The following GRIK1 variants were observed in gnomAD, a reference collection of about 807,000 sequenced individuals.
GRIK1 encodes glutamate receptor ionotropic, kainate 1.
Under a neutral mutation model 105.7 loss-of-function variants are expected in GRIK1, and 69 were observed. The observed-to-expected ratio is 0.65, with a 90% CI of 0.54 to 0.80. The LOEUF (loss-of-function observed/expected upper bound fraction) is 0.80. GRIK1 is among the 30% of genes least tolerant of loss of function. The probability of loss-of-function intolerance (pLI) is 0.00; values close to 1 mark genes in which losing one functional copy is unlikely to be tolerated. For missense variants in GRIK1, 1,109 were observed against 1,167.3 expected (o/e 0.95, Z 0.73); for synonymous variants, 438 against 431.3 (o/e 1.02, Z -0.19).
chr21:29,630,661 G>A (rs1043746195), intron 7 of GRIK1: 43 of 465,314 alleles, frequency 9.2e-5, no homozygotes, highest in African/African-American at 6.2e-4. Flanking sequence ...TCTCAGCTTC[G>A]TGGACCCTGA....
intron 1 of GRIK1, among the ~76,000 whole-genome samples, chr21:29,813,723 C>G (rs942185348): frequency 6.6e-6 from 1 of 151,970 alleles, no homozygotes; most frequent in African/African-American, 2.4e-5. Flanking sequence ...AGCACAAATG[C>G]ATATGATTTG....
chr21:29,774,396 A>T (rs911139603), intron 1 of GRIK1, among the ~76,000 whole-genome samples: 21 of 151,600 alleles, frequency 1.4e-4, no homozygotes, highest in African/African-American at 5.1e-4. Context: ...GAAACCAGAC[A>T]TCTGTTGAAG....
intron 1 of GRIK1, among the ~76,000 whole-genome samples, chr21:29,784,061 T>C (rs2066195971): frequency 6.6e-6 from 1 of 152,160 alleles, no homozygotes; most frequent in African/African-American, 2.4e-5. Flanking sequence ...GCCTCCTGAG[T>C]AGCTGGGACT....
At chr21:29,746,921 A>G (rs2065061779) in intron 1 of GRIK1, among the ~76,000 whole-genome samples, 1 of 152,168 alleles carries the variant, frequency 6.6e-6, no homozygotes, top group African/African-American at 2.4e-5. Flanking sequence ...AAAAAGTATC[A>G]CTTTTAGGTA....
chr21:29,775,923 A>T (rs1018646881), intron 1 of GRIK1, among the ~76,000 whole-genome samples: 3 of 152,186 alleles, frequency 2.0e-5, no homozygotes, highest in Non-Finnish European at 4.4e-5. Context: ...GAGACTGGGT[A>T]ATTTATAAAG....
intron 1 of GRIK1, among the ~76,000 whole-genome samples, chr21:29,891,555 A>G (rs1214516232): frequency 1.3e-5 from 2 of 152,200 alleles, no homozygotes; most frequent in Non-Finnish European, 2.9e-5. Flanking sequence ...CAATAGCTGA[A>G]GCAATGCTCA....
At chr21:29,658,726 C>G (rs556915467) in intron 4 of GRIK1, among the ~76,000 whole-genome samples, 1 of 152,106 alleles carries the variant, frequency 6.6e-6, no homozygotes, top group Non-Finnish European at 1.5e-5. Flanking sequence ...CTAGTGTGGA[C>G]GTCATTAGTA....
At chr21:29,908,944 A>T (rs2070729021) in intron 1 of GRIK1, among the ~76,000 whole-genome samples, 1 of 152,184 alleles carries the variant, frequency 6.6e-6, no homozygotes, top group African/African-American at 2.4e-5. Flanking sequence ...TTGGTAGATG[A>T]ATTATTTTCC....
At chr21:29,810,628 T>G (rs2066985567) in intron 1 of GRIK1, among the ~76,000 whole-genome samples, 1 of 152,158 alleles carries the variant, frequency 6.6e-6, no homozygotes, top group Non-Finnish European at 1.5e-5. Flanking sequence ...TTATATTTTC[T>G]TTTTTTCACT....
chr21:29,792,197 T>C (rs567578359), intron 1 of GRIK1, among the ~76,000 whole-genome samples: 2 of 152,292 alleles, frequency 1.3e-5, no homozygotes, highest in South Asian at 2.1e-4. Flanking sequence ...TGGATATATA[T>C]ACACACATAT....
At position 29,560,499 on chromosome 21, in the gene GRIK1, CCTTCCTTCCTTCCTTCCTTCCTTTCTTT is replaced by C. The variant is rs1209778607; in HGVS notation, c.2356+1097_2356+1124del. Among the ~76,000 whole-genome samples, 2 of 12,044 alleles carry C rather than the reference CCTTCCTTCCTTCCTTCCTTCCTTTCTTT, an allele frequency of 1.7e-4. 1 individual carries two copies. Among genetic ancestry groups the C allele is most frequent in the African/African-American group, 9.1e-4 (2 of 2,196 alleles). The allele number at this position is 12,044 out of a possible 152,430, so 7.9% of individuals were successfully genotyped here. A position where few individuals can be genotyped will look rare whatever the true frequency, so the allele number is the denominator to read the frequency against. ...TCTCTCTCCCTTTCTTTCTTTCTTTCCTTCCTTCCTTCCTTCCTTCCTTTCTTTCTTTCTTTCTTTCTTTCTTTCTTTC... is the reference window on the plus strand; with the variant it reads ...TCTCTCTCCCTTTCTTTCTTTCTTTCCTTTCTTTCTTTCTTTCTTTCTTTC... On this transcript the variant is annotated intron_variant, in intron 15 of 17. Transcript: ENST00000327783.
At chr21:29,930,351 A>G (rs567487865) in intron 1 of GRIK1, among the ~76,000 whole-genome samples, 2 of 152,320 alleles carry the variant, frequency 1.3e-5, no homozygotes, top group Non-Finnish European at 2.9e-5. Context: ...GTAATCCAAC[A>G]TTTTAGAAGT....
Position 29,596,509 on chromosome 21 carries a change from G to A in GRIK1, c.1251+17C>T, listed in dbSNP as rs1406281976. 1.3e-6 allele frequency: 2 copies of A among 1,575,938 alleles called. No homozygotes were observed. Among genetic ancestry groups the A allele is most frequent in the South Asian group, 2.2e-5 (2 of 90,332 alleles). ...TCCCACCCCCAGGTTTCCTGCAGTT[G>A]TTGTCAGAGTACAAACCTTCTTCCA... On this transcript the variant is annotated intron_variant, in intron 9 of 17. Coordinates refer to ENST00000327783, the MANE Select transcript of GRIK1 (RefSeq NM_001330994.2).
chr21:29,608,097 A>C (rs1396766262), intron 7 of GRIK1, among the ~76,000 whole-genome samples: 1 of 152,124 alleles, frequency 6.6e-6, no homozygotes, highest in Non-Finnish European at 1.5e-5. Flanking sequence ...GCTTATACCT[A>C]TAAATGTCTA....
intron 1 of GRIK1, among the ~76,000 whole-genome samples, chr21:29,745,965 G>C (rs969986707): frequency 2.6e-5 from 4 of 152,114 alleles, no homozygotes; most frequent in African/African-American, 9.7e-5. Flanking sequence ...TTAGCCAGGT[G>C]TGGTGGCGGG....
chr21:29,716,488 T>C (rs749057317), intron 1 of GRIK1, among the ~76,000 whole-genome samples: 2 of 152,210 alleles, frequency 1.3e-5, no homozygotes, highest in Non-Finnish European at 2.9e-5. Flanking sequence ...TGCATGGCTT[T>C]GACCAAAATG....
At chr21:29,926,045 T>C (rs1298920439) in intron 1 of GRIK1, among the ~76,000 whole-genome samples, 1 of 152,006 alleles carries the variant, frequency 6.6e-6, no homozygotes. Context: ...ATGAAGACAT[T>C]CCTGCTCACT....
At chr21:29,621,230 A>G (rs1438038046) in intron 7 of GRIK1, among the ~76,000 whole-genome samples, 4 of 152,186 alleles carry the variant, frequency 2.6e-5, no homozygotes, top group African/African-American at 4.8e-5. Context: ...ATCATTTCTG[A>G]ATCATAAATC....
At chr21:29,683,685 G>A (rs1187700123) in intron 3 of GRIK1, among the ~76,000 whole-genome samples, 5 of 152,180 alleles carry the variant, frequency 3.3e-5, no homozygotes, top group Admixed American at 3.3e-4. Context: ...CTGCATGGGT[G>A]ACAGGATCAT....
Sources: allele counts gnomAD v4.1 joint callset (sites outside exome capture counted in the v4.1 genomes callset), GRCh38; gene constraint gnomAD v4.1.1; transcripts MANE v1.5; gene names NCBI Gene and HGNC (gene_info 2026-07-23, HGNC 2026-07-21).